Variants in POPDC1 observed in about 807,000 individuals in gnomAD.
POPDC1 encodes the protein popeye domain-containing protein 1.
the POPDC1 span, among the ~76,000 whole-genome samples, chr6:105,102,373 G>T: frequency 6.6e-6 from 1 of 152,196 alleles, no homozygotes; most frequent in Non-Finnish European, 1.5e-5. Flanking sequence ...AGCACAGGGA[G>T]AATGCCACAA....
the POPDC1 span, chr6:105,125,598 A>C: frequency 6.2e-7 from 1 of 1,611,300 alleles, no homozygotes; most frequent in Non-Finnish European, 8.5e-7. Flanking sequence ...AGCAATGACT[A>C]GATGCTTCAC....
chr6:105,107,173 T>C, the POPDC1 span, among the ~76,000 whole-genome samples: 1 of 152,146 alleles, frequency 6.6e-6, no homozygotes, highest in African/African-American at 2.4e-5. Context: ...TCAGTTCTTT[T>C]AGTTTTTAAC....
the POPDC1 span, among the ~76,000 whole-genome samples, chr6:105,133,107 T>C: frequency 2.0e-5 from 3 of 152,224 alleles, no homozygotes; most frequent in Non-Finnish European, 4.4e-5. Context: ...CATGAATGAA[T>C]GTTCTGGTAT....
chr6:105,115,081 G>T, the POPDC1 span, among the ~76,000 whole-genome samples: 1 of 152,208 alleles, frequency 6.6e-6, no homozygotes, highest in African/African-American at 2.4e-5. Context: ...AGAGTATTCT[G>T]GTGAGCCACT....
At chr6:105,114,809 G>A in the POPDC1 span, among the ~76,000 whole-genome samples, 1 of 152,224 alleles carries the variant, frequency 6.6e-6, no homozygotes, top group Non-Finnish European at 1.5e-5. Flanking sequence ...TGGCAGGCGT[G>A]TGAATGAGGT....
the POPDC1 span, among the ~76,000 whole-genome samples, chr6:105,118,760 G>A: frequency 1.3e-5 from 2 of 152,166 alleles, no homozygotes; most frequent in African/African-American, 2.4e-5. Context: ...TATCTATCAT[G>A]TAAGTGGATC....
the POPDC1 span, among the ~76,000 whole-genome samples, chr6:105,114,623 T>C: frequency 2.0e-5 from 3 of 152,286 alleles, no homozygotes; most frequent in East Asian, 1.9e-4. Flanking sequence ...TGCTATTTCA[T>C]ATGAATTTGT....
At chr6:105,108,987 G>T in the POPDC1 span, among the ~76,000 whole-genome samples, 3 of 151,994 alleles carry the variant, frequency 2.0e-5, no homozygotes, top group Non-Finnish European at 4.4e-5. Flanking sequence ...TTTTGAGCAG[G>T]GTCTCACTCT....
chr6:105,132,800 G>C, the POPDC1 span, among the ~76,000 whole-genome samples: 1 of 152,156 alleles, frequency 6.6e-6, no homozygotes, highest in Admixed American at 6.5e-5. Context: ...TACTGTATCT[G>C]GTAATTGTTT....
the POPDC1 span, chr6:105,116,688 A>G: frequency 6.4e-7 from 1 of 1,558,636 alleles, no homozygotes; most frequent in Non-Finnish European, 8.6e-7. Flanking sequence ...AAATAAACTC[A>G]GAGAACACTT....
At chr6:105,112,730 C>A in the POPDC1 span, among the ~76,000 whole-genome samples, 1 of 152,134 alleles carries the variant, frequency 6.6e-6, no homozygotes, top group Non-Finnish European at 1.5e-5. Context: ...TGGGGCAAGT[C>A]ACTACCTTCT....
At chr6:105,115,144 T>C in the POPDC1 span, among the ~76,000 whole-genome samples, 2 of 152,368 alleles carry the variant, frequency 1.3e-5, no homozygotes, top group South Asian at 4.1e-4. Context: ...TGGAGTGCAG[T>C]GGCGTGATCT....
the POPDC1 span, chr6:105,124,431 A>G: frequency 1.5e-6 from 1 of 675,672 alleles, no homozygotes; most frequent in East Asian, 2.9e-5. Context: ...TATATGCCCT[A>G]TGGTAACTTG....
the POPDC1 span, among the ~76,000 whole-genome samples, chr6:105,113,508 A>C: frequency 1.3e-5 from 2 of 152,148 alleles, no homozygotes; most frequent in East Asian, 3.9e-4. Flanking sequence ...CATGCATGGA[A>C]GTGGTACTTG....
the POPDC1 span, chr6:105,125,264 AC>A: frequency 1.1e-3 from 1,273 of 1,146,364 alleles, 3 homozygotes; most frequent in Non-Finnish European, 1.4e-3. Flanking sequence ...AAAAAATTCC[AC>A]CAACAACAAA....
chr6:105,111,584 G>T, the POPDC1 span, among the ~76,000 whole-genome samples: 1 of 152,202 alleles, frequency 6.6e-6, no homozygotes, highest in Non-Finnish European at 1.5e-5. Flanking sequence ...AAGTGAAAGA[G>T]TTAAATGAAC....
chr6:105,121,512 C>G, the POPDC1 span, among the ~76,000 whole-genome samples: 1 of 152,126 alleles, frequency 6.6e-6, no homozygotes, highest in African/African-American at 2.4e-5. Flanking sequence ...AGGTGATCCA[C>G]CCGCCTCAGC....
At chr6:105,104,149 C>T in the POPDC1 span, among the ~76,000 whole-genome samples, 8 of 151,916 alleles carry the variant, frequency 5.3e-5, no homozygotes, top group African/African-American at 1.7e-4. Context: ...CCTTTTTTCC[C>T]TCTACTTGGA....
the POPDC1 span, among the ~76,000 whole-genome samples, chr6:105,113,430 C>T: frequency 1.3e-5 from 2 of 152,194 alleles, no homozygotes; most frequent in African/African-American, 4.8e-5. Flanking sequence ...TGAGCAGTCC[C>T]TGCAGAAGGG....
Sources: gnomAD v4.1 joint callset for allele counts (sites outside exome capture counted in the v4.1 genomes callset) on GRCh38, gnomAD v4.1.1 for gene constraint, MANE v1.5 for transcripts, NCBI Gene and HGNC (gene_info 2026-07-23, HGNC 2026-07-21) for gene names.